Variants in ARL15 observed in about 807,000 individuals in gnomAD.
The protein encoded by ARL15 is ARF like GTPase 15, also known as ADP-ribosylation factor-like protein 15.
A neutral mutation model predicts 25.2 loss-of-function variants in ARL15; 19 were observed. That is an observed-to-expected ratio of 0.75 (90% confidence interval 0.53 to 1.10). The LOEUF (loss-of-function observed/expected upper bound fraction) is 1.10, where lower values mean the gene tolerates loss of function less well. ARL15 is among the 50% of genes least tolerant of loss of function. The pLI, the probability that ARL15 is intolerant of heterozygous loss-of-function variation, is 0.00. For synonymous variants in ARL15, 94 were observed against 86.8 expected (o/e 1.08, Z -0.46); for missense variants, 220 against 246.0 (o/e 0.89, Z 0.71).
intron 4 of ARL15, among the ~76,000 whole-genome samples, chr5:53,996,885 G>A (rs1419072447): frequency 6.6e-6 from 1 of 152,122 alleles, no homozygotes; most frequent in African/African-American, 2.4e-5. Context: ...CAGGAGCACT[G>A]GGATGGACAC....
intron 1 of ARL15, among the ~76,000 whole-genome samples, chr5:54,235,690 T>G (rs1349783934): frequency 2.6e-5 from 4 of 152,190 alleles, no homozygotes; most frequent in Non-Finnish European, 5.9e-5. Flanking sequence ...CAGGCTGGTC[T>G]CGAACTCCTG....
Position 54,272,107 on chromosome 5 carries a change from CTTTTTTTTT to C in ARL15, c.48+38316_48+38324del, listed in dbSNP as rs34592464. Among the ~76,000 whole-genome samples the C allele has an allele frequency of 2.3e-3, 85 of 36,786 alleles. 1 individual carries two copies. Among genetic ancestry groups the C allele is most frequent in the South Asian group, 6.8e-3 (5 of 738 alleles). 24.1% of individuals were successfully genotyped at this position (36,786 alleles called of 152,430 possible). A position where few individuals can be genotyped will look rare whatever the true frequency, so the allele number is the denominator to read the frequency against. ...TATAGGTGTGTGCCACCACTCCTGG[CTTTTTTTTT>C]TTTTTTTTTTTTTTTTTTGAAGACT... On this transcript the variant is annotated intron_variant, in intron 1 of 4. Transcript: ENST00000504924.
chr5:54,105,772 G>A (rs1249378286), intron 4 of ARL15, among the ~76,000 whole-genome samples: 1 of 151,942 alleles, frequency 6.6e-6, no homozygotes. Context: ...TAGTAGAGAC[G>A]GAGTTTCACT....
chr5:54,065,687 CAAACA>C (rs1350315037), intron 4 of ARL15, among the ~76,000 whole-genome samples: 3 of 151,390 alleles, frequency 2.0e-5, no homozygotes, highest in South Asian at 2.1e-4. Context: ...AGCAAACAAA[CAAACA>C]AAACAACCAA....
At chr5:53,942,158 C>G (rs1419935005) in intron 4 of ARL15, among the ~76,000 whole-genome samples, 1 of 151,546 alleles carries the variant, frequency 6.6e-6, no homozygotes, top group East Asian at 1.9e-4. Flanking sequence ...TGGTCTTGCT[C>G]ATGTGGGCAC....
intron 4 of ARL15, among the ~76,000 whole-genome samples, chr5:53,897,098 T>C (rs72763129): frequency 0.086 from 13,069 of 152,280 alleles, 694 homozygotes; most frequent in Non-Finnish European, 0.13. Context: ...ACTGATAATT[T>C]GTATACTATA....
intron 4 of ARL15, among the ~76,000 whole-genome samples, chr5:54,077,351 C>T (rs1751643403): frequency 6.6e-6 from 1 of 152,158 alleles, no homozygotes; most frequent in Admixed American, 6.5e-5. Context: ...AAATCACCCT[C>T]TTTAGACAGT....
At chr5:54,227,715 C>A (rs1756565312) in intron 1 of ARL15, among the ~76,000 whole-genome samples, 1 of 152,184 alleles carries the variant, frequency 6.6e-6, no homozygotes, top group South Asian at 2.1e-4. Flanking sequence ...AGGGATACTT[C>A]ACTTACAACT....
intron 1 of ARL15, among the ~76,000 whole-genome samples, chr5:54,221,866 C>A (rs1165064554): frequency 7.9e-5 from 11 of 138,418 alleles, no homozygotes; most frequent in African/African-American, 3.1e-4. Flanking sequence ...CACACACACA[C>A]ACACAAAACC....
chr5:53,996,585 C>T (rs1561181589), intron 4 of ARL15, among the ~76,000 whole-genome samples: 1 of 142,040 alleles, frequency 7.0e-6, no homozygotes, highest in Non-Finnish European at 1.5e-5. Flanking sequence ...CACCACTGCA[C>T]TCCAGCCTGG....
At chr5:53,962,959 T>C (rs1454467313) in intron 4 of ARL15, among the ~76,000 whole-genome samples, 1 of 152,200 alleles carries the variant, frequency 6.6e-6, no homozygotes, top group Non-Finnish European at 1.5e-5. Flanking sequence ...CTCTCCAGGC[T>C]TTAAATGAGG....
At chr5:54,020,606 T>G (rs1247587098) in intron 4 of ARL15, among the ~76,000 whole-genome samples, 1 of 151,956 alleles carries the variant, frequency 6.6e-6, no homozygotes, top group Non-Finnish European at 1.5e-5. Context: ...TGTCTAAAAT[T>G]TGATGAAAAA....
At chr5:54,236,440 A>G (rs993927033) in intron 1 of ARL15, among the ~76,000 whole-genome samples, 1 of 147,726 alleles carries the variant, frequency 6.8e-6, no homozygotes, top group Non-Finnish European at 1.5e-5. Flanking sequence ...ACACACACAC[A>G]CACACAAATC....
chr5:54,022,798 A>C (rs1320658803), intron 4 of ARL15, among the ~76,000 whole-genome samples: 1 of 152,152 alleles, frequency 6.6e-6, no homozygotes, highest in Non-Finnish European at 1.5e-5. Flanking sequence ...GTATATTGTC[A>C]ACTTTATTCC....
chr5:54,055,331 G>A (rs1438800945), intron 4 of ARL15, among the ~76,000 whole-genome samples: 1 of 124,640 alleles, frequency 8.0e-6, no homozygotes, highest in Non-Finnish European at 1.7e-5. Context: ...GTTGTAACAT[G>A]TATTAGTTGC....
chr5:53,890,970 G>A (rs971240948), intron 4 of ARL15, among the ~76,000 whole-genome samples: 2 of 152,120 alleles, frequency 1.3e-5, no homozygotes, highest in African/African-American at 4.8e-5. Context: ...ATCTCTAACG[G>A]GGCAGTGATG....
chr5:54,091,010 A>C (rs766459294), intron 4 of ARL15, among the ~76,000 whole-genome samples: 14 of 152,216 alleles, frequency 9.2e-5, no homozygotes, highest in Non-Finnish European at 1.6e-4. Context: ...GTTTCTCCAG[A>C]TTAAATTTCC....
At chr5:54,030,763 G>A (rs1433334539) in intron 4 of ARL15, among the ~76,000 whole-genome samples, 1 of 152,166 alleles carries the variant, frequency 6.6e-6, no homozygotes, top group Non-Finnish European at 1.5e-5. Flanking sequence ...ATATCAAGAT[G>A]AGAATTAGAA....
intron 4 of ARL15, among the ~76,000 whole-genome samples, chr5:53,993,220 A>G (rs1163875213): frequency 1.3e-5 from 2 of 152,210 alleles, no homozygotes; most frequent in East Asian, 1.9e-4. Context: ...CCTAGTCGTT[A>G]GCCTTGGAAC....
Sources: gnomAD v4.1 joint callset for allele counts (sites outside exome capture counted in the v4.1 genomes callset) on GRCh38, gnomAD v4.1.1 for gene constraint, MANE v1.5 for transcripts, NCBI Gene and HGNC (gene_info 2026-07-23, HGNC 2026-07-21) for gene names.